The following OR2T12 variants were observed in gnomAD, a reference collection of about 807,000 sequenced individuals.
The protein encoded by OR2T12 is olfactory receptor 2T12.
For synonymous variants in OR2T12, 127 were observed against 160.5 expected, an observed-to-expected ratio of 0.79 and a Z score of 1.58; for missense variants, 335 against 404.3, an observed-to-expected ratio of 0.83 and a Z score of 1.47.
chr1:248,302,037 G>C (rs1308286033), intron 1 of OR2T12, among the ~76,000 whole-genome samples: 2 of 145,060 alleles, frequency 1.4e-5, no homozygotes, highest in Non-Finnish European at 3.0e-5. Context: ...GCCAGAACTT[G>C]ATAAAAAAAA....
intron 2 of OR2T12, among the ~76,000 whole-genome samples, chr1:248,299,546 G>A (rs1402633946): frequency 1.3e-5 from 2 of 152,106 alleles, no homozygotes; most frequent in East Asian, 1.9e-4. Flanking sequence ...CAAATCCTGA[G>A]TGACCTACAA....
chr1:248,299,074 C>G (rs1031258658), intron 2 of OR2T12, among the ~76,000 whole-genome samples: 1 of 152,308 alleles, frequency 6.6e-6, no homozygotes, highest in South Asian at 2.1e-4. Context: ...CCAGCCACCA[C>G]AAAATCATGC....
intron 1 of OR2T12, among the ~76,000 whole-genome samples, chr1:248,302,592 G>A (rs1659824948): frequency 6.6e-6 from 1 of 152,068 alleles, no homozygotes; most frequent in Admixed American, 6.6e-5. Context: ...TAAATAATAG[G>A]TGTAAATGTC....
chr1:248,295,133 A>G lies in OR2T12; in HGVS notation c.446T>C (p.Leu149Pro), dbSNP rs151012393. 11,108 of 1,605,802 alleles carry G rather than the reference A, an allele frequency of 6.9e-3. 199 individuals are homozygous for G. The highest frequency in any genetic ancestry group is 0.024 in the African/African-American group (1,730 of 72,106). Residue 149 changes from leucine to proline, a missense_variant, in exon 3 of 3, where the codon CTG becomes CCG. By Grantham distance (98) the Leu-to-Pro change is moderately conservative. Coordinates refer to ENST00000641276, the MANE Select transcript of OR2T12 (RefSeq NM_001004692.2). Reference protein sequence around the residue: ...CLRMTMSSWLLGAADGLLQAV... With the variant: ...CLRMTMSSWLPGAADGLLQAV... ...CTGCAGGAGGCCGTCAGCTGCACCC[A>G]GGAGCCAGGACGACATGGTCATCCT... is the stretch of plus-strand genomic sequence containing the variant.
At chr1:248,296,101 G>A (rs540014474) in intron 2 of OR2T12, among the ~76,000 whole-genome samples, 308 of 150,446 alleles carry the variant, frequency 2.0e-3, no homozygotes, top group African/African-American at 7.0e-3. Context: ...GAGAATACCC[G>A]GTGTTTGGTT....
chr1:248,300,837 T>C lies in OR2T12; in HGVS notation c.-9+536A>G, dbSNP rs552088509. Reference sequence around the variant, plus strand: ...AGTTCGCTTCTCCCTATGCTTCTTTTTCAGTTGGCAAAGTGTTCTTTACAT... The same window carrying C: ...AGTTCGCTTCTCCCTATGCTTCTTTCTCAGTTGGCAAAGTGTTCTTTACAT... On this transcript the variant is annotated intron_variant, in intron 2 of 2. Transcript: ENST00000641276. Among the ~76,000 whole-genome samples, 9 of 152,226 alleles carry C rather than the reference T, an allele frequency of 5.9e-5. No individual in the cohort carries two copies. The South Asian group carries it at 1.9e-3, about 32-fold the overall frequency.
rs751427114 is a variant in OR2T12 at position 248,295,361 on chromosome 1, G to A, written c.218C>T (p.Ser73Phe). Residue 73 changes from serine (S) to phenylalanine (F), a missense_variant, in exon 3 of 3, where the codon TCC becomes TTC. By Grantham distance (155) the Ser-to-Phe change is radical. Coordinates refer to ENST00000641276, the MANE Select transcript of OR2T12 (RefSeq NM_001004692.2). ...QLSLMDMMLVSTTVPKMAADY... is the reference protein window; with the variant it reads ...QLSLMDMMLVFTTVPKMAADY... ...AGCCGCCATTTTGGGCACAGTGGTG[G>A]AAACCAGCATCATGTCCATGAGGGA... 3 of 1,600,066 alleles carry A rather than the reference G, an allele frequency of 1.9e-6. No individual in the cohort carries two copies. Among genetic ancestry groups the A allele is most frequent in the African/African-American group, 2.7e-5 (2 of 73,810 alleles).
intron 1 of OR2T12, among the ~76,000 whole-genome samples, chr1:248,301,981 A>G (rs1659817870): frequency 6.6e-6 from 1 of 152,018 alleles, no homozygotes. Flanking sequence ...CTGGATGAGA[A>G]ATTGAGAAGG....
At chr1:248,298,442 G>A (rs181523512) in intron 2 of OR2T12, among the ~76,000 whole-genome samples, 4 of 152,164 alleles carry the variant, frequency 2.6e-5, no homozygotes, top group Admixed American at 2.6e-4. Flanking sequence ...GTTCCTCCTT[G>A]TACCTCTGGT....
Position 248,291,346 on chromosome 1 carries a change from C to T in OR2T12, c.*3270G>A, listed in dbSNP as rs955213721. The stretch of plus-strand genomic sequence containing the variant: ...AGTGAATTCCCATTCAGAATTGCTA[C>T]AAAGGGAATAAAACACCTAGGAATA... On this transcript the variant is annotated 3_prime_UTR_variant, in exon 3 of 3. Coordinates refer to ENST00000641276, the MANE Select transcript of OR2T12 (RefSeq NM_001004692.2). 1.3e-5 allele frequency: 2 copies of T among 151,986 alleles called. No homozygotes were observed. The highest frequency in any genetic ancestry group is 4.8e-5 in the African/African-American group (2 of 41,364). The allele number at this position is 151,986 out of a possible 1,614,324, so 9.4% of individuals were successfully genotyped here.
chr1:248,297,063 T>C (rs1417748046), intron 2 of OR2T12, among the ~76,000 whole-genome samples: 1 of 152,190 alleles, frequency 6.6e-6, no homozygotes, highest in Admixed American at 6.5e-5. Flanking sequence ...GCTTCAGCTT[T>C]CTACATATGG....
Position 248,295,494 on chromosome 1 carries a change from GCAT to G in OR2T12, c.82_84del (p.Met28del), listed in dbSNP as rs776646857. ...AGGGAGGTCAAAACGGTGGCCAGAA[GCAT>G]CATGAAGAGGACTTGGTGGGCTCTG... On this transcript the variant is annotated inframe_deletion, in exon 3 of 3. Coordinates refer to ENST00000641276, the MANE Select transcript of OR2T12 (RefSeq NM_001004692.2). 6.2e-7 allele frequency: 1 copy of G among 1,609,424 alleles called. No individual in the cohort carries two copies. The highest frequency in any genetic ancestry group is 2.2e-5 in the East Asian group (1 of 44,870).
Position 248,295,595 on chromosome 1 carries a change from A to C in OR2T12, c.-8-9T>G. On this transcript the variant is annotated splice_polypyrimidine_tract_variant and intron_variant, in intron 2 of 2. Transcript: ENST00000641276. ...CATCTCCATAATTTCCCCTGGTGTG[A>C]TGGTGCAAATGGAAAAATAGAGAAA... The C allele has an allele frequency of 6.5e-7, 1 of 1,549,820 alleles. No homozygotes were observed. The highest frequency in any genetic ancestry group is 2.3e-5 in the East Asian group (1 of 44,406).
In OR2T12 at chr1:248,292,539, A is replaced by C. The variant is rs1453397899; in HGVS notation, c.*2077T>G. On this transcript the variant is annotated 3_prime_UTR_variant, in exon 3 of 3. Transcript: ENST00000641276. ...AGATTTTCTATGCAAACCTTTATTA[A>C]GAAAATAAGAGTAGAAACATCTGCA... 7.2e-5 allele frequency: 11 copies of C among 152,136 alleles called. No individual in the cohort carries two copies. The highest frequency in any genetic ancestry group is 1.2e-4 in the Non-Finnish European group (8 of 67,992). 9.4% of individuals were successfully genotyped at this position (152,136 alleles called of 1,614,324 possible).
At position 248,290,279 on chromosome 1, in the gene OR2T12, T is replaced by C. The variant is rs969267792; in HGVS notation, c.*4337A>G. ...AACAAGCAATGGGGAAAGGATTCCCTATTTAATTCCACTTATGAATGAGAA... is the reference window on the plus strand; with the variant it reads ...AACAAGCAATGGGGAAAGGATTCCCCATTTAATTCCACTTATGAATGAGAA... On this transcript the variant is annotated 3_prime_UTR_variant, in exon 3 of 3. Coordinates refer to ENST00000641276, the MANE Select transcript of OR2T12 (RefSeq NM_001004692.2). 6.6e-6 allele frequency: 1 copy of C among 152,170 alleles called. No individual in the cohort carries two copies. The highest frequency in any genetic ancestry group is 1.5e-5 in the Non-Finnish European group (1 of 68,040). 9.4% of individuals were successfully genotyped at this position (152,170 alleles called of 1,614,324 possible).
In OR2T12 at chr1:248,293,524, A is replaced by T. The variant is rs4381224; in HGVS notation, c.*1092T>A. 121,955 of 152,180 alleles carry T rather than the reference A, an allele frequency of 0.8. 49,292 individuals are homozygous for T. The highest frequency in any genetic ancestry group is 0.89 in the African/African-American group (36,971 of 41,538). The allele number at this position is 152,180 out of a possible 1,614,324, so 9.4% of individuals were successfully genotyped here. A position where few individuals can be genotyped will look rare whatever the true frequency, so the allele number is the denominator to read the frequency against. On this transcript the variant is annotated 3_prime_UTR_variant, in exon 3 of 3. Transcript: ENST00000641276. ...CATCACTATCTATCTTGTGTCTTTA[A>T]TAATAGTATAGTCTTCTTTTATTCT...
intron 2 of OR2T12, among the ~76,000 whole-genome samples, chr1:248,295,876 T>G (rs550947734): frequency 6.6e-6 from 1 of 152,318 alleles, no homozygotes; most frequent in African/African-American, 2.4e-5. Flanking sequence ...AATTATACTT[T>G]AAGTTTTAGG....
chr1:248,295,658 A>C, intron 2 of OR2T12, 72 bp from the exon 3 acceptor site: 1 of 1,516,704 alleles, frequency 6.6e-7, no homozygotes, highest in South Asian at 1.3e-5. Flanking sequence ...GTTTGACTGC[A>C]CAGTTTCTGG....
Position 248,299,653 on chromosome 1 carries a change from A to T in OR2T12, c.-9+1720T>A, listed in dbSNP as rs1213453940. Among the ~76,000 whole-genome samples the T allele has an allele frequency of 2.0e-5, 3 of 152,172 alleles. No homozygotes were observed. In the East Asian group the frequency reaches 5.8e-4, roughly 29 times the overall value. ...AGACAGAAATTTAACAAGGATACCC[A>T]GGAATTGAACTCAGCTCTGCACCAA... is the stretch of plus-strand genomic sequence containing the variant. On this transcript the variant is annotated intron_variant, in intron 2 of 2. Transcript: ENST00000641276.
Sources: gnomAD v4.1 joint callset for allele counts (sites outside exome capture counted in the v4.1 genomes callset) on GRCh38, gnomAD v4.1.1 for gene constraint, MANE v1.5 for transcripts, NCBI Gene and HGNC (gene_info 2026-07-23, HGNC 2026-07-21) for gene names.